Variants in PCDHGA1 observed in about 807,000 individuals in gnomAD.
PCDHGA1 encodes protocadherin gamma subfamily A, 1.
Under a neutral mutation model 58.0 loss-of-function variants are expected in PCDHGA1, and 32 were observed. The observed-to-expected ratio is 0.55, with a 90% CI of 0.42 to 0.74. The LOEUF is 0.74. Among genes scored for constraint, PCDHGA1 ranks in the 30% least tolerant of loss-of-function variants. PCDHGA1 has a pLI of 0.00. For synonymous variants in PCDHGA1, 498 were observed against 501.1 expected, an observed-to-expected ratio of 0.99 and a Z score of 0.08; for missense variants, 1,205 against 1,182.3, an observed-to-expected ratio of 1.02 and a Z score of -0.28.
chr5:141,488,222 G>A (rs1351438124), intron 1 of PCDHGA1, among the ~76,000 whole-genome samples: 1 of 152,104 alleles, frequency 6.6e-6, no homozygotes, highest in Admixed American at 6.5e-5. Flanking sequence ...TCCCTACTGG[G>A]GATTTGAACT....
chr5:141,357,781 A>C, intron 1 of PCDHGA1: 1 of 862,264 alleles, frequency 1.2e-6, no homozygotes, highest in South Asian at 1.9e-5. Flanking sequence ...AATGATCAAC[A>C]GTATTTACCA....
intron 1 of PCDHGA1, chr5:141,374,655 A>T (rs1490179096): frequency 2.2e-5 from 36 of 1,611,798 alleles, no homozygotes; most frequent in Non-Finnish European, 3.1e-5. Flanking sequence ...GGGCCCAAGT[A>T]CCCGGAGCTG....
chr5:141,482,472 CTG>C (rs2099561247), intron 1 of PCDHGA1, among the ~76,000 whole-genome samples: 2 of 136,856 alleles, frequency 1.5e-5, no homozygotes, highest in Non-Finnish European at 3.0e-5. Context: ...GTGCCAGACA[CTG>C]TAAACAATTA....
At chr5:141,362,128 G>T (rs1359609195) in intron 1 of PCDHGA1, 2 of 1,613,900 alleles carry the variant, frequency 1.2e-6, no homozygotes, top group Admixed American at 3.3e-5. Flanking sequence ...CCTAATCTTC[G>T]CGGATAGCCT....
At chr5:141,415,392 G>T in intron 1 of PCDHGA1, 1 of 1,614,238 alleles carries the variant, frequency 6.2e-7, no homozygotes, top group Non-Finnish European at 8.5e-7. Context: ...TGACAGGTGT[G>T]TCCGGCTCGC....
chr5:141,355,560 G>A, intron 1 of PCDHGA1: 1 of 1,614,024 alleles, frequency 6.2e-7, no homozygotes, highest in Admixed American at 1.7e-5. Flanking sequence ...TGCGGGTAGA[G>A]GTGGAAATAA....
chr5:141,420,252 C>G (rs745697672), intron 1 of PCDHGA1: 2 of 1,576,604 alleles, frequency 1.3e-6, no homozygotes, highest in Non-Finnish European at 1.7e-6. Flanking sequence ...AGCGTTGAAG[C>G]AGATAAGAAG....
At chr5:141,456,149 G>A (rs377506220) in intron 1 of PCDHGA1, among the ~76,000 whole-genome samples, 1 of 151,866 alleles carries the variant, frequency 6.6e-6, no homozygotes, top group East Asian at 1.9e-4. Flanking sequence ...CGCCCGCCTC[G>A]GCCTCCTAAA....
intron 1 of PCDHGA1, chr5:141,375,952 G>T (rs1032808913): frequency 1.2e-6 from 2 of 1,613,514 alleles, no homozygotes; most frequent in Non-Finnish European, 1.7e-6. Flanking sequence ...GCCTGCACAC[G>T]GGCGAGGTGC....
chr5:141,432,449 T>C lies in PCDHGA1; in HGVS notation c.2422-62358T>C. 5.6e-6 allele frequency: 9 copies of C among 1,614,220 alleles called. No individual in the cohort carries two copies. The highest frequency in any genetic ancestry group is 7.6e-6 in the Non-Finnish European group (9 of 1,180,038). On this transcript the variant is annotated intron_variant, in intron 1 of 3. Coordinates refer to ENST00000517417, the MANE Select transcript of PCDHGA1 (RefSeq NM_018912.3). The surrounding 1 kb of genome is among the most constrained non-coding windows in gnomAD (Gnocchi z 6.0). The stretch of plus-strand genomic sequence containing the variant: ...GAACGACAATGCGCCCGAGATCCTG[T>C]ACCCCGCCCTCCCCACGGACGGTTC...
chr5:141,357,153 GC>G, intron 1 of PCDHGA1: 12 of 1,613,624 alleles, frequency 7.4e-6, no homozygotes, highest in Non-Finnish European at 1.0e-5. Context: ...ACCATGGCCA[GC>G]CCCCTCTCTC....
chr5:141,403,961 G>T (rs763967342), intron 1 of PCDHGA1: 14 of 1,613,774 alleles, frequency 8.7e-6, no homozygotes, highest in Middle Eastern at 1.6e-4. Context: ...GCTCATTTCG[G>T]TGGAAGATGT....
chr5:141,511,215 A>G lies in PCDHGA1; in HGVS notation c.*42A>G, dbSNP rs1562250541. On this transcript the variant is annotated 3_prime_UTR_variant, in exon 4 of 4. Coordinates refer to ENST00000517417, the MANE Select transcript of PCDHGA1 (RefSeq NM_018912.3). ...AGAGCCACAGGGCGGCCTCTCCCCA[A>G]CCAGCCCAGCTTCTCCTTACCTGCA... The G allele has an allele frequency of 1.2e-6, 2 of 1,608,380 alleles. No individual in the cohort carries two copies. The highest frequency in any genetic ancestry group is 2.2e-5 in the East Asian group (1 of 44,560).
intron 1 of PCDHGA1, chr5:141,408,572 G>A (rs745760240): frequency 4.3e-6 from 7 of 1,614,048 alleles, no homozygotes; most frequent in East Asian, 2.2e-5. Flanking sequence ...TGTGGTGATT[G>A]AGGATGTTAA....
intron 1 of PCDHGA1, among the ~76,000 whole-genome samples, chr5:141,354,450 T>C (rs1250018353): frequency 6.6e-6 from 1 of 152,234 alleles, no homozygotes; most frequent in East Asian, 1.9e-4. Context: ...ATTATCCTAT[T>C]TGTCAATCTC....
intron 1 of PCDHGA1, chr5:141,360,857 T>C (rs765284863): frequency 6.2e-7 from 1 of 1,613,894 alleles, no homozygotes; most frequent in Non-Finnish European, 8.5e-7. Flanking sequence ...AACCCTCCAG[T>C]GTTCAGCCAG....
In PCDHGA1 at chr5:141,344,158, G is replaced by T. The variant is rs761148064; in HGVS notation, c.2421+11053G>T. 2.5e-6 allele frequency: 4 copies of T among 1,614,030 alleles called. No individual in the cohort carries two copies. In the Admixed American group the frequency reaches 5.0e-5, roughly 20 times the overall value. ...TCGGTGTCTGAGGAGCTAGATAAAG[G>T]TTCCTTCGTGGGCAACATCGCTAAC... On this transcript the variant is annotated intron_variant, in intron 1 of 3. Transcript: ENST00000517417.
chr5:141,415,434 C>T, intron 1 of PCDHGA1: 2 of 1,614,192 alleles, frequency 1.2e-6, no homozygotes, highest in Non-Finnish European at 1.7e-6. Context: ...TTCGGGCTTT[C>T]CTGCAGACCT....
At chr5:141,390,249 C>A (rs749702926) in intron 1 of PCDHGA1, 1 of 1,614,046 alleles carries the variant, frequency 6.2e-7, no homozygotes, top group South Asian at 1.1e-5. Context: ...CTTATTTCCA[C>A]TTTGTAATTC....
Sources: gnomAD v4.1 joint callset for allele counts (sites outside exome capture counted in the v4.1 genomes callset) on GRCh38, gnomAD v4.1.1 for gene constraint, Gnocchi (gnomAD v3.1) non-coding constraint, MANE v1.5 for transcripts, NCBI Gene and HGNC (gene_info 2026-07-23, HGNC 2026-07-21) for gene names.